The following SDK1 variants were observed in gnomAD, a reference collection of about 807,000 sequenced individuals.
SDK1 encodes protein sidekick-1.
A neutral mutation model predicts 245.5 loss-of-function variants in SDK1; 157 were observed. That is an observed-to-expected ratio of 0.64 (90% CI 0.56 to 0.73). SDK1 has a LOEUF of 0.73. Ranked by LOEUF, SDK1 falls within the 30% of genes least tolerant of loss-of-function variation. The pLI is 0.00. For missense variants in SDK1, 3,583 were observed against 3,002.3 expected (o/e 1.19, Z -4.52); for synonymous variants, 1,647 against 1,278.5 (o/e 1.29, Z -6.15).
intron 1 of SDK1, among the ~76,000 whole-genome samples, chr7:3,564,347 A>G (rs890678614): frequency 6.6e-6 from 1 of 152,086 alleles, no homozygotes; most frequent in Non-Finnish European, 1.5e-5. Flanking sequence ...AATAAAATAC[A>G]GGACAATGCT....
chr7:3,765,051 C>G (rs1028266312), intron 4 of SDK1, among the ~76,000 whole-genome samples: 1 of 152,000 alleles, frequency 6.6e-6, no homozygotes, highest in East Asian at 1.9e-4. Context: ...CAACATAAAA[C>G]AAAACTTTTT....
chr7:4,193,367 AATATTTAT>A (rs1562414188), intron 35 of SDK1, among the ~76,000 whole-genome samples: 1 of 78,132 alleles, frequency 1.3e-5, no homozygotes, highest in Non-Finnish European at 2.2e-5. Flanking sequence ...TATATATTAA[AATATTTAT>A]ATATATATAT....
chr7:3,541,024 T>G (rs1348323058), intron 1 of SDK1, among the ~76,000 whole-genome samples: 2 of 152,198 alleles, frequency 1.3e-5, no homozygotes, highest in African/African-American at 4.8e-5. Flanking sequence ...CCTGTCATGT[T>G]AACTACCAAA....
intron 2 of SDK1, among the ~76,000 whole-genome samples, chr7:3,625,642 C>T (rs1461261758): frequency 6.6e-6 from 1 of 152,232 alleles, no homozygotes; most frequent in Non-Finnish European, 1.5e-5. Flanking sequence ...GAAGTGCCCA[C>T]TCTAATGGGT....
At chr7:3,969,603 G>T (rs1428857370) in intron 11 of SDK1, among the ~76,000 whole-genome samples, 179 bp downstream of exon 11, 3 of 152,132 alleles carry the variant, frequency 2.0e-5, no homozygotes, top group Non-Finnish European at 2.9e-5. Flanking sequence ...ATGTCTAAAA[G>T]AATACCTAGA....
At chr7:3,384,211 A>G (rs1047744853) in intron 1 of SDK1, among the ~76,000 whole-genome samples, 2 of 152,100 alleles carry the variant, frequency 1.3e-5, no homozygotes, top group Admixed American at 1.3e-4. Context: ...TTTATTATGT[A>G]TTTCTTAAAA....
chr7:3,769,007 T>G (rs1052903783), intron 4 of SDK1, among the ~76,000 whole-genome samples: 1 of 152,222 alleles, frequency 6.6e-6, no homozygotes, highest in African/African-American at 2.4e-5. Flanking sequence ...GTAAAATGGT[T>G]GTAATTATGC....
At chr7:3,421,940 C>T (rs544381906) in intron 1 of SDK1, among the ~76,000 whole-genome samples, 4 of 152,070 alleles carry the variant, frequency 2.6e-5, no homozygotes, top group South Asian at 2.1e-4. Context: ...GAGGCTTAGG[C>T]GGGCATATAG....
At chr7:3,813,006 C>G (rs1189281271) in intron 4 of SDK1, among the ~76,000 whole-genome samples, 1 of 152,150 alleles carries the variant, frequency 6.6e-6, no homozygotes, top group Non-Finnish European at 1.5e-5. Context: ...AGTGTTTGCT[C>G]TTGATGGAAT....
At chr7:3,748,351 T>C (rs1779684535) in intron 4 of SDK1, among the ~76,000 whole-genome samples, 2 of 152,186 alleles carry the variant, frequency 1.3e-5, no homozygotes, top group Admixed American at 1.3e-4. Context: ...CTTAGAAAAA[T>C]TGTACTATTT....
At chr7:4,047,029 T>G (rs974677599) in intron 17 of SDK1, among the ~76,000 whole-genome samples, 1 of 152,212 alleles carries the variant, frequency 6.6e-6, no homozygotes, top group African/African-American at 2.4e-5. Context: ...GTTTTGTAGT[T>G]TTCCGTGCAC....
intron 22 of SDK1, among the ~76,000 whole-genome samples, chr7:4,106,158 C>G (rs186041500): frequency 6.6e-6 from 1 of 152,180 alleles, no homozygotes; most frequent in Non-Finnish European, 1.5e-5. Flanking sequence ...ACCAGACACT[C>G]GCTGCTCAGA....
Position 4,237,732 on chromosome 7 carries a change from G to A in SDK1, c.6078G>A (p.Val2026=). ...GCCTGATCGTCATCCTGCTGGTGGTGTTCGCCCTCGTCCTGCACGGGCAGA... is the reference window on the plus strand; with the variant it reads ...GCCTGATCGTCATCCTGCTGGTGGTATTCGCCCTCGTCCTGCACGGGCAGA... The part of the protein sequence containing the change: ...LSSLIVILLV[V]FALVLHGQNK... The change falls in exon 42 of 45, where the codon GTG becomes GTA. Residue 2026 remains valine (V), a synonymous_variant. Coordinates refer to ENST00000404826, the MANE Select transcript of SDK1 (RefSeq NM_152744.4). 6.2e-7 allele frequency: 1 copy of A among 1,614,184 alleles called. No individual in the cohort carries two copies. The highest frequency in any genetic ancestry group is 1.1e-5 in the South Asian group (1 of 91,082).
At chr7:3,963,816 C>T (rs1482043989) in intron 9 of SDK1, among the ~76,000 whole-genome samples, 5 of 152,046 alleles carry the variant, frequency 3.3e-5, no homozygotes, top group African/African-American at 7.2e-5. Flanking sequence ...CCAGTGAGCA[C>T]ACCCAGGCCG....
At chr7:4,112,934 A>G (rs1353021137) in intron 23 of SDK1, among the ~76,000 whole-genome samples, 1 of 151,972 alleles carries the variant, frequency 6.6e-6, no homozygotes, top group Non-Finnish European at 1.5e-5. Context: ...TTGTATTTTT[A>G]GTAGAGACGA....
At chr7:4,137,648 A>G (rs1779180323) in intron 28 of SDK1, among the ~76,000 whole-genome samples, 1 of 152,144 alleles carries the variant, frequency 6.6e-6, no homozygotes, top group African/African-American at 2.4e-5. Context: ...TAATGCTCAT[A>G]TTATCATAAT....
At chr7:3,462,391 G>A (rs1414464257) in intron 1 of SDK1, among the ~76,000 whole-genome samples, 1 of 152,072 alleles carries the variant, frequency 6.6e-6, no homozygotes, top group Non-Finnish European at 1.5e-5. Flanking sequence ...ATTATTGAAT[G>A]TTAGCATTTC....
rs558644947 is a variant in SDK1, at chr7:3,557,249, G to A, written c.299-61831G>A. Among the ~76,000 whole-genome samples, 10 of 152,234 alleles carry A rather than the reference G, an allele frequency of 6.6e-5. No individual in the cohort carries two copies. The South Asian group carries it at 2.1e-3, about 32-fold the overall frequency. Reference sequence around the variant, plus strand: ...AGAGGACACAAATCTGTAATATCAAGAATGAAATGGGACAACAGTACAGAT... The same window carrying A: ...AGAGGACACAAATCTGTAATATCAAAAATGAAATGGGACAACAGTACAGAT... On this transcript the variant is annotated intron_variant, in intron 1 of 44. Coordinates refer to ENST00000404826, the MANE Select transcript of SDK1 (RefSeq NM_152744.4).
chr7:4,202,613 G>A (rs773419866), intron 35 of SDK1, among the ~76,000 whole-genome samples: 6 of 151,988 alleles, frequency 3.9e-5, no homozygotes, highest in Admixed American at 6.5e-5. Flanking sequence ...TCCGCCTGGC[G>A]GACGGTGAAT....
Sources: allele counts gnomAD v4.1 joint callset (sites outside exome capture counted in the v4.1 genomes callset), GRCh38; gene constraint gnomAD v4.1.1; transcripts MANE v1.5; gene names NCBI Gene and HGNC (gene_info 2026-07-23, HGNC 2026-07-21).